Variants in AOAH observed in about 807,000 individuals in gnomAD.
The protein encoded by AOAH is acyloxyacyl hydrolase (neutrophil).
A neutral mutation model predicts 92.2 loss-of-function variants in AOAH; 64 were observed. The ratio of observed to expected loss-of-function variants is 0.69; its 90% CI spans 0.57 to 0.86. The LOEUF (loss-of-function observed/expected upper bound fraction) is 0.86, where lower values mean the gene tolerates loss of function less well. Among genes scored for constraint, AOAH ranks in the 40% least tolerant of loss-of-function variants. The probability of loss-of-function intolerance (pLI) is 0.00; values close to 1 mark genes in which losing one functional copy is unlikely to be tolerated. For synonymous variants in AOAH, 263 were observed against 254.5 expected, an observed-to-expected ratio of 1.03 and a Z score of -0.32; for missense variants, 656 against 694.6, an observed-to-expected ratio of 0.94 and a Z score of 0.62.
intron 19 of AOAH, among the ~76,000 whole-genome samples, chr7:36,527,045 G>A (rs1784433779): frequency 6.6e-6 from 1 of 152,198 alleles, no homozygotes; most frequent in Admixed American, 6.5e-5. Flanking sequence ...GGGAGGTGTG[G>A]TGCAGACAAA....
At chr7:36,543,796 T>G (rs957494285) in intron 15 of AOAH, among the ~76,000 whole-genome samples, 1 of 152,152 alleles carries the variant, frequency 6.6e-6, no homozygotes, top group African/African-American at 2.4e-5. Context: ...TTAATTTGCA[T>G]AGCAAAATCA....
At chr7:36,578,576 T>C (rs1438946885) in intron 12 of AOAH, among the ~76,000 whole-genome samples, 1 of 152,228 alleles carries the variant, frequency 6.6e-6, no homozygotes, top group Non-Finnish European at 1.5e-5. Context: ...CCAGCCTTAA[T>C]TGACTAGGTC....
At chr7:36,676,261 AG>A (rs1252243211) in intron 2 of AOAH, among the ~76,000 whole-genome samples, 1 of 152,220 alleles carries the variant, frequency 6.6e-6, no homozygotes, top group Admixed American at 6.5e-5. Flanking sequence ...AGTTCAGTAA[AG>A]CTGCAGGATA....
chr7:36,710,297 TAG>T (rs1207068368), intron 1 of AOAH, among the ~76,000 whole-genome samples: 3 of 152,330 alleles, frequency 2.0e-5, no homozygotes, highest in African/African-American at 7.2e-5. Flanking sequence ...CCTTTAAATG[TAG>T]AGTTTTCTCT....
intron 7 of AOAH, 55 bp downstream of exon 7, chr7:36,623,135 G>A: frequency 7.1e-7 from 1 of 1,411,644 alleles, no homozygotes; most frequent in Admixed American, 1.7e-5. Context: ...GGAAAGAAAT[G>A]TGTAGGAAGC....
intron 16 of AOAH, among the ~76,000 whole-genome samples, chr7:36,539,162 C>G (rs1001830537): frequency 5.3e-5 from 8 of 152,152 alleles, no homozygotes; most frequent in Non-Finnish European, 1.2e-4. Context: ...TGCTCCCCAC[C>G]CACTCCCTCT....
intron 13 of AOAH, among the ~76,000 whole-genome samples, chr7:36,551,995 A>C (rs1786293993): frequency 6.6e-6 from 1 of 152,204 alleles, no homozygotes; most frequent in African/African-American, 2.4e-5. Flanking sequence ...TTTGGGGGAC[A>C]ATTGATCCCA....
chr7:36,687,312 AAC>A (rs370772376), intron 1 of AOAH, among the ~76,000 whole-genome samples: 1 of 152,310 alleles, frequency 6.6e-6, no homozygotes, highest in African/African-American at 2.4e-5. Context: ...TTGAAATCAT[AAC>A]ACACTGTAAA....
intron 4 of AOAH, 25 bp downstream of exon 4, chr7:36,659,141 A>T (rs1324165416): frequency 1.3e-6 from 2 of 1,567,602 alleles, no homozygotes; most frequent in East Asian, 4.5e-5. Context: ...CTGGAAACAG[A>T]TGTTCAGAGT....
chr7:36,529,579 T>TG (rs58179836), intron 19 of AOAH, among the ~76,000 whole-genome samples: 63,899 of 151,956 alleles, frequency 0.42, 15,662 homozygotes, highest in Non-Finnish European at 0.54. Context: ...ATGCTGCGGA[T>TG]GGGGGCACTG....
chr7:36,559,005 A>T (rs548144173), intron 13 of AOAH, among the ~76,000 whole-genome samples: 31 of 152,094 alleles, frequency 2.0e-4, no homozygotes, highest in Non-Finnish European at 4.3e-4. Context: ...ACTGTCTGGC[A>T]CTCCCTAGTG....
intron 13 of AOAH, among the ~76,000 whole-genome samples, chr7:36,559,241 T>C (rs1292922705): frequency 1.3e-5 from 2 of 152,224 alleles, no homozygotes; most frequent in Non-Finnish European, 2.9e-5. Context: ...GGTAGAATAA[T>C]TGATTTTCTT....
chr7:36,523,629 G>GTTTTTTTTTTTTTTTTTTT (rs57628897), intron 19 of AOAH, among the ~76,000 whole-genome samples: 1 of 100,138 alleles, frequency 1.0e-5, no homozygotes, highest in African/African-American at 4.1e-5. Context: ...TGTTTTGCCT[G>GTTTTTTTTTTTTTTTTTTT]TTTTTTTTTT....
chr7:36,670,243 G>A (rs1320747110), intron 3 of AOAH, among the ~76,000 whole-genome samples: 1 of 152,268 alleles, frequency 6.6e-6, no homozygotes, highest in Middle Eastern at 3.4e-3. Flanking sequence ...TAAATCATGA[G>A]GTTGTCATTT....
intron 11 of AOAH, chr7:36,598,062 G>A (rs994037873): frequency 1.6e-4 from 25 of 152,170 alleles, no homozygotes; most frequent in Admixed American, 2.6e-4. Flanking sequence ...GTGGGAAAAC[G>A]GCAGGCAATC....
chr7:36,607,453 T>C (rs1791092097), intron 11 of AOAH, among the ~76,000 whole-genome samples: 1 of 152,164 alleles, frequency 6.6e-6, no homozygotes, highest in African/African-American at 2.4e-5. Flanking sequence ...TTGAGGTCTT[T>C]AACTGGCACA....
At chr7:36,692,026 C>A (rs1464603812) in intron 1 of AOAH, among the ~76,000 whole-genome samples, 2 of 152,192 alleles carry the variant, frequency 1.3e-5, no homozygotes, top group East Asian at 3.8e-4. Flanking sequence ...AGGAGTGAGC[C>A]CCAGGAGACC....
chr7:36,539,881 G>C (rs1421703993), intron 16 of AOAH, among the ~76,000 whole-genome samples: 1 of 152,234 alleles, frequency 6.6e-6, no homozygotes, highest in Admixed American at 6.5e-5. Flanking sequence ...AGGACCCCAA[G>C]AGAGTGTAGA....
chr7:36,632,434 TAAA>T (rs1419105713), intron 5 of AOAH, among the ~76,000 whole-genome samples: 1 of 149,128 alleles, frequency 6.7e-6, no homozygotes, highest in Non-Finnish European at 1.5e-5. Context: ...GCTTTAAAAA[TAAA>T]GAAGATTTTC....
Sources: gnomAD v4.1 joint callset for allele counts (sites outside exome capture counted in the v4.1 genomes callset) on GRCh38, gnomAD v4.1.1 for gene constraint, MANE v1.5 for transcripts, NCBI Gene and HGNC (gene_info 2026-07-23, HGNC 2026-07-21) for gene names.